KIRREL2: variants seen among roughly 807,000 people sequenced by gnomAD.
KIRREL2 encodes kin of IRRE-like protein 2.
Under a neutral mutation model 73.4 loss-of-function variants are expected in KIRREL2, and 56 were observed. The ratio of observed to expected loss-of-function variants is 0.76; its 90% CI spans 0.62 to 0.95. The LOEUF is 0.95. Among genes scored for constraint, KIRREL2 ranks in the 40% least tolerant of loss-of-function variants. The pLI is 0.00. For synonymous variants in KIRREL2, 407 were observed against 404.0 expected (o/e 1.01, Z -0.09); for missense variants, 896 against 935.0 (o/e 0.96, Z 0.54).
At position 35,861,831 on chromosome 19, in the gene KIRREL2, G is replaced by A; in HGVS notation, c.1317G>A (p.Leu439=). ...TCTGGTCTTGGGATGAGGGCTTCCTGGAGGCGGGGTCGCAGGGCCGGTTCC... is the reference window on the plus strand; with the variant it reads ...TCTGGTCTTGGGATGAGGGCTTCCTAGAGGCGGGGTCGCAGGGCCGGTTCC... ...AVVWSWDEGF[L]EAGSQGRFLV... Residue 439 remains leucine, a synonymous_variant, in exon 11 of 15, where the codon CTG becomes CTA. Coordinates refer to ENST00000360202, the MANE Select transcript of KIRREL2 (RefSeq NM_199180.4). 1 of 1,587,484 alleles carries A rather than the reference G, an allele frequency of 6.3e-7. No individual in the cohort carries two copies. Among genetic ancestry groups the A allele is most frequent in the Non-Finnish European group, 8.6e-7 (1 of 1,166,810 alleles).
intron 13 of KIRREL2, among the ~76,000 whole-genome samples, chr19:35,863,980 T>A (rs568888226): frequency 1.3e-4 from 20 of 151,890 alleles, no homozygotes; most frequent in African/African-American, 4.8e-4. Flanking sequence ...GTATACCGTG[T>A]TAGCCAGGAT....
At chr19:35,852,171 C>T (rs999311485), upstream of KIRREL2, among the ~76,000 whole-genome samples, 1 of 151,004 alleles carries the variant, frequency 6.6e-6, no homozygotes, top group Non-Finnish European at 1.5e-5. Context: ...TCAAGCCATC[C>T]TCCCACCTTG....
In KIRREL2 at chr19:35,861,240, G is replaced by A; in HGVS notation, c.1175G>A (p.Arg392Gln). Residue 392 changes from arginine (R) to glutamine (Q), a missense_variant, in exon 9 of 15, where the codon CGG becomes CAG. Physicochemically the swap from Arg to Gln is conservative, Grantham distance 43 (BLOSUM62 1). Coordinates refer to ENST00000360202, the MANE Select transcript of KIRREL2 (RefSeq NM_199180.4). ...CTGCGGGGCGGCGCCGCGGAGGCTCGGCTGACTGTGAACGGTGAGAAGGCG... is the reference window on the plus strand; with the variant it reads ...CTGCGGGGCGGCGCCGCGGAGGCTCAGCTGACTGTGAACGGTGAGAAGGCG... ...SGLRGGAAEARLTVNAPPVVT... is the reference protein window; with the variant it reads ...SGLRGGAAEAQLTVNAPPVVT... 1 of 1,532,344 alleles carries A rather than the reference G, an allele frequency of 6.5e-7. No homozygotes were observed. Among genetic ancestry groups the A allele is most frequent in the Non-Finnish European group, 8.7e-7 (1 of 1,149,418 alleles). 94.9% of individuals were successfully genotyped at this position (1,532,344 alleles called of 1,614,324 possible).
chr19:35,862,381 G>A (rs1426755431), intron 11 of KIRREL2, 112 bp from the exon 12 acceptor site: 4 of 816,942 alleles, frequency 4.9e-6, no homozygotes, highest in African/African-American at 1.7e-5. Flanking sequence ...AAGGGCCTTT[G>A]AATCTTCAAA....
In KIRREL2 at chr19:35,860,834, C is replaced by T. The variant is rs1424404661; in HGVS notation, c.929-75C>T. On this transcript the variant is annotated intron_variant, in intron 7 of 14. Coordinates refer to ENST00000360202, the MANE Select transcript of KIRREL2 (RefSeq NM_199180.4). ...TTGCGCCCTAGAGGGTGTGGTGTTT[C>T]TGTGGGGCTGGCTGATCCCAGGTCA... 3 of 1,606,728 alleles carry T rather than the reference C, an allele frequency of 1.9e-6. No homozygotes were observed. In the East Asian group the frequency reaches 6.7e-5, roughly 36 times the overall value.
Position 35,866,325 on chromosome 19 carries a change from C to T in KIRREL2, c.1960C>T (p.Leu654Phe). The T allele has an allele frequency of 6.2e-7, 1 of 1,611,854 alleles. No individual in the cohort carries two copies. The highest frequency in any genetic ancestry group is 8.5e-7 in the Non-Finnish European group (1 of 1,178,252). ...CCTGGGCATGGTCCCCCCCTGCAGA[C>T]TTTACAGAGCCAGGGCAGGCTATCT... ...PHLGMVPPCR[L>F]YRARAGYLTT... Residue 654 changes from leucine (L) to phenylalanine (F), a missense_variant, in exon 15 of 15, where the codon CTT becomes TTT. Transcript: ENST00000360202.
upstream of KIRREL2, among the ~76,000 whole-genome samples, chr19:35,852,118 G>A (rs768634685): frequency 6.5e-5 from 9 of 138,860 alleles, no homozygotes; most frequent in Non-Finnish European, 1.2e-4. Context: ...TTTTAGAGAC[G>A]GGGTCTCACT....
chr19:35,856,326 G>A (rs540261786), upstream of KIRREL2, among the ~76,000 whole-genome samples: 1 of 152,364 alleles, frequency 6.6e-6, no homozygotes, highest in Non-Finnish European at 1.5e-5. This position sits in a 1 kb window ranked among gnomAD's most constrained non-coding sequence, Gnocchi z 5.9. Context: ...GGGACTGCGG[G>A]GTCCTGGGAA....
intron 5 of KIRREL2, among the ~76,000 whole-genome samples, chr19:35,859,901 C>T (rs183541674): frequency 2.0e-4 from 30 of 152,228 alleles, no homozygotes; most frequent in Admixed American, 1.6e-3. Flanking sequence ...AAAAATTTGC[C>T]GGGCGTGGTA....
At chr19:35,860,882 A>C in intron 7 of KIRREL2, 27 bp from the exon 8 acceptor site, 1 of 1,612,674 alleles carries the variant, frequency 6.2e-7, no homozygotes, top group Non-Finnish European at 8.5e-7. Flanking sequence ...CGCCCCGGCC[A>C]TGTGACCCCT....
rs1973576480 is a variant in KIRREL2, at chr19:35,859,592, C to A, written c.634C>A (p.Pro212Thr). ...FVCRARSQAL[P>T]TGRDTAITLS... ...CTGCCGGGCCCGGAGCCAGGCCCTGCCCACAGGAAGAGACACAGCTATCAC... is the reference window on the plus strand; with the variant it reads ...CTGCCGGGCCCGGAGCCAGGCCCTGACCACAGGAAGAGACACAGCTATCAC... Residue 212 changes from proline to threonine, a missense_variant, in exon 5 of 15, where the codon CCC becomes ACC. Physicochemically the swap from Pro to Thr is conservative, Grantham distance 38. Transcript: ENST00000360202. 6.2e-7 allele frequency: 1 copy of A among 1,613,898 alleles called. No individual in the cohort carries two copies.
chr19:35,866,554 TGAG>T lies in KIRREL2; in HGVS notation c.*66_*68del. On this transcript the variant is annotated 3_prime_UTR_variant, in exon 15 of 15. Transcript: ENST00000360202. ...TGCCATAATGGATTGTTCTGATTTC[TGAG>T]GAGCCAGGACAAGTTGGCGACCTTA... The T allele has an allele frequency of 6.2e-7, 1 of 1,608,942 alleles. No homozygotes were observed. Among genetic ancestry groups the T allele is most frequent in the Non-Finnish European group, 8.5e-7 (1 of 1,178,424 alleles).
Position 35,856,934 on chromosome 19 carries a change from C to T in KIRREL2, c.-186C>T. The T allele has an allele frequency of 1.4e-6, 1 of 698,160 alleles. No homozygotes were observed. The highest frequency in any genetic ancestry group is 2.6e-6 in the Non-Finnish European group (1 of 383,898). The allele number at this position is 698,160 out of a possible 1,614,324, so 43.2% of individuals were successfully genotyped here. Reference sequence around the variant, plus strand: ...CCAGAGACCCAGGCCGCGGAACTGGCAGGCGTTTCAGAGCGTCAGAGGCTG... The same window carrying T: ...CCAGAGACCCAGGCCGCGGAACTGGTAGGCGTTTCAGAGCGTCAGAGGCTG... On this transcript the variant is annotated 5_prime_UTR_variant, in exon 1 of 15. Coordinates refer to ENST00000360202, the MANE Select transcript of KIRREL2 (RefSeq NM_199180.4). The surrounding 1 kb of genome is among the most constrained non-coding windows in gnomAD (Gnocchi z 5.9).
At chr19:35,855,080 C>T (rs150098026), upstream of KIRREL2, among the ~76,000 whole-genome samples, 3 of 152,270 alleles carry the variant, frequency 2.0e-5, no homozygotes, top group East Asian at 5.8e-4. Context: ...AGGCATCTGG[C>T]CTCAGCCCCC....
rs773812234 is a variant in KIRREL2 at position 35,860,324 on chromosome 19, C to T, written c.701C>T (p.Ser234Leu). The change falls in exon 6 of 15, where the codon TCG (serine) becomes TTG (leucine). Residue 234 changes from serine to leucine, a missense_variant. Coordinates refer to ENST00000360202, the MANE Select transcript of KIRREL2 (RefSeq NM_199180.4). ...CCCCCAGAGGTGACTCTGTCTGCTT[C>T]GCCACACACTGTGCAGGAGGGAGAG... ...QYPPEVTLSA[S>L]PHTVQEGEKV... 22 of 1,613,920 alleles carry T rather than the reference C, an allele frequency of 1.4e-5. No individual in the cohort carries two copies. Among genetic ancestry groups the T allele is most frequent in the East Asian group, 8.9e-5 (4 of 44,892 alleles).
In KIRREL2 at chr19:35,857,331, C is replaced by G. The variant is rs199569396; in HGVS notation, c.62-14C>G. 4.0e-5 allele frequency: 65 copies of G among 1,612,106 alleles called. No individual in the cohort carries two copies. Among genetic ancestry groups the G allele is most frequent in the Non-Finnish European group, 2.0e-5 (24 of 1,180,014 alleles). On this transcript the variant is annotated splice_polypyrimidine_tract_variant and intron_variant, in intron 1 of 14. Transcript: ENST00000360202. ...AGGTGCTAAGCTCAGCCCTGCTGCC[C>G]CGAACTCTCCTAGGCCCGTCGCCCC...
intron 2 of KIRREL2, 114 bp from the exon 3 acceptor site, chr19:35,858,294 T>C (rs1051904103): frequency 8.0e-7 from 1 of 1,250,294 alleles, no homozygotes; most frequent in South Asian, 1.4e-5. Flanking sequence ...TTTTTAATAG[T>C]GTCTTACCAC....
chr19:35,851,555 C>T (rs1216664192), upstream of KIRREL2: 1 of 1,613,814 alleles, frequency 6.2e-7, no homozygotes, highest in African/African-American at 1.3e-5. Context: ...CACCGCACTG[C>T]CAGGGGTGCT....
At chr19:35,858,612 C>T (rs1239734201) in intron 3 of KIRREL2, 55 bp downstream of exon 3, 4 of 1,610,560 alleles carry the variant, frequency 2.5e-6, no homozygotes, top group Admixed American at 1.7e-5. Flanking sequence ...CCCGTACTAG[C>T]TGTGAGTAGC....
Sources: allele counts gnomAD v4.1 joint callset (sites outside exome capture counted in the v4.1 genomes callset), GRCh38; gene constraint gnomAD v4.1.1; non-coding constraint Gnocchi (gnomAD v3.1); transcripts MANE v1.5; gene names NCBI Gene and HGNC (gene_info 2026-07-23, HGNC 2026-07-21).